ABCC12: variants seen among roughly 807,000 people sequenced by gnomAD.
ABCC12 encodes ATP binding cassette subfamily C member 12, also known as ATP-binding cassette sub-family C member 12.
In ABCC12, 142 loss-of-function variants were observed where a neutral mutation model predicts 151.1. The observed-to-expected ratio is 0.94, with a 90% confidence interval of 0.82 to 1.08. ABCC12 has a LOEUF of 1.08. ABCC12 is among the 50% of genes least tolerant of loss of function. The pLI is 0.00. For synonymous variants in ABCC12, 645 were observed against 646.4 expected (o/e 1.00, Z 0.03); for missense variants, 1,638 against 1,691.1 (o/e 0.97, Z 0.55).
chr16:48,103,481 T>C (rs1963374698), intron 22 of ABCC12, among the ~76,000 whole-genome samples: 1 of 152,198 alleles, frequency 6.6e-6, no homozygotes, highest in African/African-American at 2.4e-5. Flanking sequence ...GTGAGGCATA[T>C]ATTTCAATGA....
chr16:48,126,953 T>C (rs1033058431), intron 11 of ABCC12, among the ~76,000 whole-genome samples: 2 of 152,158 alleles, frequency 1.3e-5, no homozygotes, highest in Non-Finnish European at 2.9e-5. Flanking sequence ...CGGAGGCCTC[T>C]TGGAGGCACA....
intron 13 of ABCC12, among the ~76,000 whole-genome samples, chr16:48,120,559 T>G (rs1405360903): frequency 8.5e-6 from 1 of 117,744 alleles, no homozygotes; most frequent in South Asian, 2.3e-4. Context: ...GAGTTTTTTG[T>G]TTTTTTTTTT....
chr16:48,146,700 A>C, intron 2 of ABCC12: 6 of 315,338 alleles, frequency 1.9e-5, no homozygotes, highest in Non-Finnish European at 2.3e-5. Flanking sequence ...CTCTTTTCTC[A>C]TGTTGGGTTG....
In ABCC12 at chr16:48,140,850, A is replaced by G. The variant is rs774570394; in HGVS notation, c.494T>C (p.Leu165Pro). ...TSGKVWVGIG[L>P]CIALFATEFT... The stretch of plus-strand genomic sequence containing the variant: ...CTCGGTGGCAAAAAGGGCTATGCAC[A>G]GTCCAATGCCAACCCAGACTTTCCC... The change falls in exon 6 of 31, where the codon CTG becomes CCG. Residue 165 changes from leucine (L) to proline (P), a missense_variant. Leu to Pro is a moderately conservative substitution (Grantham distance 98). Transcript: ENST00000311303. 1 of 1,614,204 alleles carries G rather than the reference A, an allele frequency of 6.2e-7. No individual in the cohort carries two copies. The highest frequency in any genetic ancestry group is 2.2e-5 in the East Asian group (1 of 44,868).
At chr16:48,146,949 G>A (rs115976185) in intron 2 of ABCC12, among the ~76,000 whole-genome samples, 4,885 of 151,154 alleles carry the variant, frequency 0.032, 243 homozygotes, top group African/African-American at 0.11. Flanking sequence ...ACCGCCATGC[G>A]CATACACCCA....
At chr16:48,151,128 A>C (rs984979573) in intron 2 of ABCC12, among the ~76,000 whole-genome samples, 8 of 152,210 alleles carry the variant, frequency 5.3e-5, no homozygotes, top group Non-Finnish European at 1.0e-4. Context: ...CCTGGCACAC[A>C]TCACCTCAGC....
chr16:48,086,905 AGGAG>A (rs1962635232), intron 27 of ABCC12, 86 bp from the exon 28 acceptor site: 1 of 1,092,096 alleles, frequency 9.2e-7, no homozygotes, highest in Non-Finnish European at 1.4e-6. Context: ...TAGCATGTGG[AGGAG>A]GGTAGGAGGT....
In ABCC12 at chr16:48,082,730, C is replaced by T. The variant is rs1224949109; in HGVS notation, c.*985G>A. Among the ~76,000 whole-genome samples, 1 of 152,224 alleles carries T rather than the reference C, an allele frequency of 6.6e-6. No homozygotes were observed. The highest frequency in any genetic ancestry group is 1.5e-5 in the Non-Finnish European group (1 of 68,040). On this transcript the variant is annotated 3_prime_UTR_variant, in exon 31 of 31. Transcript: ENST00000311303. ...GGCCCAGGGAACCTCATGGGGCCTT[C>T]ATTCCTGATGAATGAAAAACAGCCA... is the stretch of plus-strand genomic sequence containing the variant.
At chr16:48,089,083 A>T (rs1471065864) in intron 25 of ABCC12, among the ~76,000 whole-genome samples, 1 of 152,220 alleles carries the variant, frequency 6.6e-6, no homozygotes, top group Non-Finnish European at 1.5e-5. Flanking sequence ...GTCAGCTACA[A>T]GAGAATCAAG....
At chr16:48,090,162 C>T (rs1240394098) in intron 25 of ABCC12, among the ~76,000 whole-genome samples, 1 of 152,090 alleles carries the variant, frequency 6.6e-6, no homozygotes, top group Non-Finnish European at 1.5e-5. Flanking sequence ...GATATAAAAG[C>T]TTTTAAAGAA....
Position 48,128,470 on chromosome 16 carries a change from C to T in ABCC12, c.1504G>A (p.Val502Met), listed in dbSNP as rs757434384. The T allele has an allele frequency of 2.8e-5, 45 of 1,614,002 alleles. No homozygotes were observed. The highest frequency in any genetic ancestry group is 3.6e-5 in the Non-Finnish European group (42 of 1,179,924). The change falls in exon 11 of 31, where the codon GTG (valine) becomes ATG (methionine). Residue 502 changes from valine (V) to methionine (M), a missense_variant. Physicochemically the swap from Val to Met is conservative, Grantham distance 21 (BLOSUM62 1). Transcript: ENST00000311303. Reference sequence around the variant, plus strand: ...CAACACACACCCACCTTTCTCACCACAAAGCTTATGCTGTGCAGAACCGAT... The same window carrying T: ...CAACACACACCCACCTTTCTCACCATAAAGCTTATGCTGTGCAGAACCGAT... ...LKSVLHSISF[V>M]VRKGKILGIC... is the part of the protein sequence containing the mutation.
rs769195586 is a variant in ABCC12, at chr16:48,100,942, G to A, written c.2968C>T (p.His990Tyr). The A allele has an allele frequency of 2.1e-5, 34 of 1,614,240 alleles. No homozygotes were observed. Among genetic ancestry groups the A allele is most frequent in the Non-Finnish European group, 2.8e-5 (33 of 1,180,046 alleles). Reference protein sequence around the residue: ...ENVSRSPWFTHITSSMQGLGI... With the variant: ...ENVSRSPWFTYITSSMQGLGI... The stretch of plus-strand genomic sequence containing the variant: ...AGGCCCTGCATGGAGGAGGTGATGT[G>A]GGTGAACCAGGGTGACCGGCTGACA... The change falls in exon 23 of 31, where the codon CAC (histidine) becomes TAC (tyrosine). Residue 990 changes from histidine to tyrosine, a missense_variant. His to Tyr is a moderately conservative substitution (Grantham distance 83). Transcript: ENST00000311303.
At position 48,083,462 on chromosome 16, in the gene ABCC12, A is replaced by G; in HGVS notation, c.*253T>C. 1 of 451,276 alleles carries G rather than the reference A, an allele frequency of 2.2e-6. No individual in the cohort carries two copies. Among genetic ancestry groups the G allele is most frequent in the South Asian group, 4.3e-5 (1 of 23,368 alleles). 28.0% of individuals were successfully genotyped at this position (451,276 alleles called of 1,614,324 possible). A position where few individuals can be genotyped will look rare whatever the true frequency, so the allele number is the denominator to read the frequency against. On this transcript the variant is annotated 3_prime_UTR_variant, in exon 31 of 31. Coordinates refer to ENST00000311303, the MANE Select transcript of ABCC12 (RefSeq NM_001393797.1). ...CATGAGGAACCCTTGGGGATTTGGGAGGTGAAGGGCAGTTTTTTAATCCAT... is the reference window on the plus strand; with the variant it reads ...CATGAGGAACCCTTGGGGATTTGGGGGGTGAAGGGCAGTTTTTTAATCCAT...
At chr16:48,102,220 T>A (rs1963333012) in intron 22 of ABCC12, among the ~76,000 whole-genome samples, 1 of 152,198 alleles carries the variant, frequency 6.6e-6, no homozygotes, top group Non-Finnish European at 1.5e-5. Flanking sequence ...GGAGTAACTG[T>A]AACTTCACTT....
chr16:48,098,911 T>G (rs1354272059), intron 23 of ABCC12, among the ~76,000 whole-genome samples: 1 of 152,098 alleles, frequency 6.6e-6, no homozygotes, highest in Non-Finnish European at 1.5e-5. Flanking sequence ...TGTGGGTGAG[T>G]AGACTAATGG....
chr16:48,085,421 C>T (rs118038209), intron 29 of ABCC12, among the ~76,000 whole-genome samples, 172 bp downstream of exon 29: 3,204 of 152,228 alleles, frequency 0.021, 68 homozygotes, highest in Non-Finnish European at 0.027. Flanking sequence ...ATGGCTGTTA[C>T]TTTTCAATTT....
intron 23 of ABCC12, among the ~76,000 whole-genome samples, chr16:48,097,232 G>T (rs1034969332): frequency 6.6e-6 from 1 of 151,986 alleles, no homozygotes; most frequent in Non-Finnish European, 1.5e-5. Context: ...GGTGCCGAGT[G>T]CTTCACATTC....
chr16:48,125,388 T>C (rs1345425), intron 11 of ABCC12, among the ~76,000 whole-genome samples: 4,955 of 152,192 alleles, frequency 0.033, 236 homozygotes, highest in African/African-American at 0.11. Context: ...TGTGAAGGTC[T>C]TTATGGAGGT....
At chr16:48,127,515 CGGTGGTTA>C (rs1235882843) in intron 11 of ABCC12, among the ~76,000 whole-genome samples, 1 of 152,040 alleles carries the variant, frequency 6.6e-6, no homozygotes, top group Non-Finnish European at 1.5e-5. Flanking sequence ...GAGTTTTTGC[CGGTGGTTA>C]AGAGCCCAGA....
Sources: allele counts gnomAD v4.1 joint callset (sites outside exome capture counted in the v4.1 genomes callset), GRCh38; gene constraint gnomAD v4.1.1; transcripts MANE v1.5; gene names NCBI Gene and HGNC (gene_info 2026-07-23, HGNC 2026-07-21).